The following CNBD1 variants were observed in gnomAD, a reference collection of about 807,000 sequenced individuals.
The protein encoded by CNBD1 is cyclic nucleotide binding domain containing 1.
In CNBD1, 71 loss-of-function variants were observed where a neutral mutation model predicts 54.4. The ratio of observed to expected loss-of-function variants is 1.30; its 90% CI spans 1.08 to 1.59. The LOEUF is 1.59. Ranked by LOEUF, CNBD1 falls within the 40% of genes most tolerant of loss-of-function variation. The pLI is 0.00. For missense variants in CNBD1, 659 were observed against 518.0 expected, an observed-to-expected ratio of 1.27 and a Z score of -2.64; for synonymous variants, 182 against 170.7, an observed-to-expected ratio of 1.07 and a Z score of -0.51.
chr8:87,263,020 G>C (rs1808173821), intron 6 of CNBD1, among the ~76,000 whole-genome samples: 1 of 152,128 alleles, frequency 6.6e-6, no homozygotes, highest in South Asian at 2.1e-4. Flanking sequence ...TGGAGCAGCA[G>C]ACCCAGATTA....
intron 6 of CNBD1, among the ~76,000 whole-genome samples, chr8:87,256,789 G>A (rs1808033579): frequency 2.0e-5 from 2 of 99,850 alleles, no homozygotes; most frequent in South Asian, 6.4e-4. Context: ...GTTTACAATG[G>A]ATATACAGTT....
intron 3 of CNBD1, among the ~76,000 whole-genome samples, chr8:86,937,270 C>G (rs1447473309): frequency 6.6e-6 from 1 of 152,118 alleles, no homozygotes; most frequent in Non-Finnish European, 1.5e-5. Context: ...GACCTGCCCC[C>G]ATGATTCAGA....
intron 5 of CNBD1, among the ~76,000 whole-genome samples, chr8:87,236,187 A>C (rs1807581439): frequency 6.6e-6 from 1 of 152,174 alleles, no homozygotes; most frequent in African/African-American, 2.4e-5. Flanking sequence ...GAAGTAATGT[A>C]AATAAGAAAT....
chr8:87,309,286 AT>A, intron 8 of CNBD1, among the ~76,000 whole-genome samples: 2 of 152,136 alleles, frequency 1.3e-5, no homozygotes, highest in Non-Finnish European at 1.5e-5. Context: ...AACTAGGATA[AT>A]ATAATCGGTT....
rs191330377 is a variant in CNBD1 at position 87,396,118 on chromosome 8, A to T, written c.214-32428A>T. On this transcript the variant is annotated intron_variant, in intron 2 of 7. Coordinates refer to the CNBD1 transcript ENST00000521593. The stretch of plus-strand genomic sequence containing the variant: ...CAACAGATAAAGATACCACTGTCTA[A>T]TGAATGACTATGTATAGAAGAGGAA... 2.0e-5 allele frequency among the ~76,000 whole-genome samples: 3 copies of T among 152,042 alleles called. No homozygotes were observed. The East Asian group carries it at 5.8e-4, about 30-fold the overall frequency.
intron 2 of CNBD1, among the ~76,000 whole-genome samples, chr8:87,403,290 T>C (rs1807599290): frequency 6.6e-6 from 1 of 152,018 alleles, no homozygotes; most frequent in Non-Finnish European, 1.5e-5. Context: ...GTTTCATCTA[T>C]TTTGGGGCAC....
intron 5 of CNBD1, among the ~76,000 whole-genome samples, chr8:87,225,039 C>G (rs1005803556): frequency 6.6e-6 from 1 of 151,730 alleles, no homozygotes; most frequent in Admixed American, 6.6e-5. Context: ...ATTTGGCTCT[C>G]TGTTTGTCTG....
chr8:87,079,955 G>C (rs1405288580), intron 4 of CNBD1, among the ~76,000 whole-genome samples: 6 of 152,050 alleles, frequency 3.9e-5, no homozygotes, highest in Admixed American at 3.3e-4. Flanking sequence ...TTTAAATTTA[G>C]ATTTCTGTTC....
At chr8:86,959,020 A>G (rs997203184) in intron 4 of CNBD1, among the ~76,000 whole-genome samples, 5 of 152,142 alleles carry the variant, frequency 3.3e-5, no homozygotes, top group Non-Finnish European at 1.5e-5. Context: ...TTCTTCCTCC[A>G]GGAGTTCTTG....
chr8:87,225,749 C>A lies in CNBD1; in HGVS notation c.578-11170C>A, dbSNP rs796216646. Among the ~76,000 whole-genome samples, 326 of 150,990 alleles carry A rather than the reference C, an allele frequency of 2.2e-3. 7 individuals carry two copies. The highest frequency in any genetic ancestry group is 0.02 in the South Asian group (97 of 4,790). ...GGCTTTGGTATCAGAATGATGCTGGCCTCATAAAATGAGTTAGGGAGGATT... is the reference window on the plus strand; with the variant it reads ...GGCTTTGGTATCAGAATGATGCTGGACTCATAAAATGAGTTAGGGAGGATT... On this transcript the variant is annotated intron_variant, in intron 5 of 10. Coordinates refer to ENST00000518476, the MANE Select transcript of CNBD1 (RefSeq NM_173538.3).
Position 87,382,796 on chromosome 8 carries a change from T to C in CNBD1, c.*169T>C, listed in dbSNP as rs1292396265. On this transcript the variant is annotated 3_prime_UTR_variant, in exon 11 of 11. Transcript: ENST00000518476. Reference sequence around the variant, plus strand: ...CTTTCGAATTGCCTTTCAAACACAGTTTTTATTAGCAGTCTTTCTTGGTTT... The same window carrying C: ...CTTTCGAATTGCCTTTCAAACACAGCTTTTATTAGCAGTCTTTCTTGGTTT... 1.1e-5 allele frequency: 5 copies of C among 451,952 alleles called. No individual in the cohort carries two copies. Among genetic ancestry groups the C allele is most frequent in the African/African-American group, 9.8e-5 (5 of 50,784 alleles). The allele number at this position is 451,952 out of a possible 1,614,324, so 28.0% of individuals were successfully genotyped here.
At chr8:86,965,490 C>A (rs1045522301) in intron 4 of CNBD1, among the ~76,000 whole-genome samples, 8 of 152,148 alleles carry the variant, frequency 5.3e-5, no homozygotes, top group African/African-American at 1.9e-4. Context: ...AGCCTGTCCT[C>A]CTTAAGTCTG....
At chr8:87,245,499 C>T (rs1807784789) in intron 6 of CNBD1, among the ~76,000 whole-genome samples, 1 of 151,432 alleles carries the variant, frequency 6.6e-6, no homozygotes, top group African/African-American at 2.4e-5. Flanking sequence ...ATAACTGTTT[C>T]TTATTTTACT....
chr8:86,992,514 TGTTA>T (rs1335148681), intron 4 of CNBD1, among the ~76,000 whole-genome samples: 1 of 152,106 alleles, frequency 6.6e-6, no homozygotes, highest in South Asian at 2.1e-4. Flanking sequence ...ATCATCATGT[TGTTA>T]GTTGGTTGTT....
chr8:87,346,690 A>G (rs180689350), intron 8 of CNBD1, among the ~76,000 whole-genome samples: 1 of 152,182 alleles, frequency 6.6e-6, no homozygotes, highest in African/African-American at 2.4e-5. Context: ...ATTTGCTAAT[A>G]GAGCATGTAT....
Position 86,939,458 on chromosome 8 carries a change from C to A in CNBD1, c.273-138C>A. On this transcript the variant is annotated intron_variant, in intron 3 of 10. Transcript: ENST00000518476. ...CTATGGAGATTGAAACATTCTAATG[C>A]ATTTAAAAAGAATATGTTCTGAAAA... 4 of 499,562 alleles carry A rather than the reference C, an allele frequency of 8.0e-6. No homozygotes were observed. The South Asian group carries it at 1.3e-4, about 17-fold the overall frequency. The allele number at this position is 499,562 out of a possible 1,614,324, so 30.9% of individuals were successfully genotyped here. A position where few individuals can be genotyped will look rare whatever the true frequency, so the allele number is the denominator to read the frequency against.
At chr8:87,373,406 C>G (rs1371974248) in intron 10 of CNBD1, among the ~76,000 whole-genome samples, 1 of 151,846 alleles carries the variant, frequency 6.6e-6, no homozygotes, top group African/African-American at 2.4e-5. Flanking sequence ...GGCATTATCA[C>G]AAACCCTTGC....
intron 5 of CNBD1, among the ~76,000 whole-genome samples, chr8:87,229,411 C>T (rs1020607020): frequency 3.3e-5 from 5 of 152,140 alleles, no homozygotes; most frequent in Non-Finnish European, 5.9e-5. Context: ...ATTTAGCTTG[C>T]ATTATTAACA....
intron 10 of CNBD1, among the ~76,000 whole-genome samples, chr8:87,370,028 T>A (rs1810740011): frequency 6.6e-6 from 1 of 152,096 alleles, no homozygotes; most frequent in Admixed American, 6.6e-5. Flanking sequence ...ATTTCCGATT[T>A]CATCCATGTC....
Sources: allele counts gnomAD v4.1 joint callset (sites outside exome capture counted in the v4.1 genomes callset), GRCh38; gene constraint gnomAD v4.1.1; transcripts MANE v1.5; gene names NCBI Gene and HGNC (gene_info 2026-07-23, HGNC 2026-07-21).